The following PARL variants were observed in gnomAD, a reference collection of about 807,000 sequenced individuals.
PARL encodes presenilin-associated rhomboid-like protein, mitochondrial.
PARL carries 44 observed loss-of-function variants against 51.6 expected under a neutral mutation model. The observed-to-expected ratio is 0.85, with a 90% confidence interval of 0.67 to 1.10. PARL has a LOEUF of 1.10. Among genes scored for constraint, PARL ranks in the 50% least tolerant of loss-of-function variants. The pLI, the probability that PARL is intolerant of heterozygous loss-of-function variation, is 0.00. For synonymous variants in PARL, 172 were observed against 164.0 expected, an observed-to-expected ratio of 1.05 and a Z score of -0.37; for missense variants, 441 against 469.5, an observed-to-expected ratio of 0.94 and a Z score of 0.56.
In PARL at chr3:183,868,048, A is replaced by G. The variant is rs1732745242; in HGVS notation, c.138T>C (p.Phe46=). Residue 46 remains phenylalanine, a synonymous_variant, in exon 2 of 10, where the codon TTT becomes TTC. Transcript: ENST00000317096. ...PQLLGRRFNF[F]IQQKCGFRKA... is the part of the protein sequence containing the mutation. ...TTCTGAATCCGCATTTTTGTTGAAT[A>G]AAGAAGTTAAACCTATGGGGCAAAA... 1 of 1,613,874 alleles carries G rather than the reference A, an allele frequency of 6.2e-7. No homozygotes were observed. Among genetic ancestry groups the G allele is most frequent in the African/African-American group, 1.3e-5 (1 of 74,928 alleles).
chr3:183,833,705 A>C lies in PARL; in HGVS notation c.930+19T>G. The stretch of plus-strand genomic sequence containing the variant: ...ACATCACCACTATCCCCAGCACTGC[A>C]CTTCATAAAAATACTTACATTCCCT... On this transcript the variant is annotated intron_variant, in intron 8 of 9. Transcript: ENST00000317096. 6.5e-7 allele frequency: 1 copy of C among 1,534,984 alleles called. No individual in the cohort carries two copies. The highest frequency in any genetic ancestry group is 1.4e-5 in the African/African-American group (1 of 73,494).
At chr3:183,865,186 T>C (rs1273653773) in intron 3 of PARL, among the ~76,000 whole-genome samples, 1 of 152,102 alleles carries the variant, frequency 6.6e-6, no homozygotes, top group Non-Finnish European at 1.5e-5. Flanking sequence ...CACACGCCTG[T>C]AGTCCCAGCT....
chr3:183,882,248 TA>T (rs1560442247), intron 1 of PARL, among the ~76,000 whole-genome samples: 7 of 24,908 alleles, frequency 2.8e-4, no homozygotes, highest in East Asian at 2.7e-3. Flanking sequence ...TATATATTTA[TA>T]TATATATATA....
downstream of PARL, among the ~76,000 whole-genome samples, chr3:183,828,174 G>A (rs1727564950): frequency 6.6e-6 from 1 of 152,394 alleles, no homozygotes; most frequent in East Asian, 1.9e-4. Context: ...GGGACCAGGA[G>A]ATGCTACAGG....
At chr3:183,847,078 G>C (rs556159190) in intron 4 of PARL, among the ~76,000 whole-genome samples, 3 of 152,222 alleles carry the variant, frequency 2.0e-5, no homozygotes, top group African/African-American at 7.2e-5. Flanking sequence ...CCCCAGAAGC[G>C]GATGAGCATG....
chr3:183,831,448 G>A (rs188413426), intron 9 of PARL, among the ~76,000 whole-genome samples: 1,601 of 152,288 alleles, frequency 0.011, 19 homozygotes, highest in Non-Finnish European at 0.014. Context: ...TAGCGGCAGC[G>A]CAAGCCAGCC....
chr3:183,855,156 G>A (rs147067544), intron 4 of PARL, among the ~76,000 whole-genome samples: 4 of 152,254 alleles, frequency 2.6e-5, no homozygotes, highest in Non-Finnish European at 5.9e-5. Context: ...GAGGGAAGGA[G>A]GGAATGGGGG....
intron 4 of PARL, among the ~76,000 whole-genome samples, chr3:183,855,719 T>A (rs1731068486): frequency 6.6e-6 from 1 of 152,010 alleles, no homozygotes; most frequent in Non-Finnish European, 1.5e-5. Context: ...CAGTAACAGA[T>A]CATCAGGCAT....
At chr3:183,876,642 AAAG>A in intron 1 of PARL, among the ~76,000 whole-genome samples, 1 of 107,432 alleles carries the variant, frequency 9.3e-6, no homozygotes, top group African/African-American at 4.1e-5. Flanking sequence ...AAAAAAAGAA[AAAG>A]AAAAAGAAAG....
chr3:183,855,897 A>G (rs1260825933), intron 4 of PARL, among the ~76,000 whole-genome samples: 1 of 151,604 alleles, frequency 6.6e-6, no homozygotes, highest in Non-Finnish European at 1.5e-5. Flanking sequence ...GAGAGATTGC[A>G]GTGAGCCAAG....
chr3:183,840,533 A>G (rs774059901), intron 7 of PARL, 37 bp downstream of exon 7: 2 of 988,366 alleles, frequency 2.0e-6, no homozygotes, highest in Non-Finnish European at 3.1e-6. Flanking sequence ...TAAATTTAAA[A>G]ATTAAATTAA....
At chr3:183,847,389 C>A (rs1247330720) in intron 4 of PARL, among the ~76,000 whole-genome samples, 1 of 151,954 alleles carries the variant, frequency 6.6e-6, no homozygotes, top group Admixed American at 6.6e-5. Context: ...ATAGTGAGAC[C>A]TCCTCTTTAC....
chr3:183,854,161 G>C (rs1730869245), intron 4 of PARL, among the ~76,000 whole-genome samples: 1 of 152,164 alleles, frequency 6.6e-6, no homozygotes, highest in Non-Finnish European at 1.5e-5. Context: ...AGAATTGCCT[G>C]AACCTGGGAG....
At chr3:183,883,171 C>T (rs1026283896) in intron 1 of PARL, among the ~76,000 whole-genome samples, 33 of 152,178 alleles carry the variant, frequency 2.2e-4, no homozygotes, top group African/African-American at 8.0e-4. Flanking sequence ...ACTAGAGGCT[C>T]ATTAGTTTTC....
chr3:183,878,712 A>G (rs1017604884), intron 1 of PARL, among the ~76,000 whole-genome samples: 14 of 152,194 alleles, frequency 9.2e-5, no homozygotes, highest in Non-Finnish European at 1.3e-4. Flanking sequence ...AAATCTCATT[A>G]AAAACATTGT....
At chr3:183,852,302 G>T (rs1395648103) in intron 4 of PARL, among the ~76,000 whole-genome samples, 9 of 152,116 alleles carry the variant, frequency 5.9e-5, no homozygotes, top group Admixed American at 5.9e-4. Flanking sequence ...TAAATACATA[G>T]AATGGAATAT....
At chr3:183,877,069 C>G (rs1447259313) in intron 1 of PARL, among the ~76,000 whole-genome samples, 2 of 152,114 alleles carry the variant, frequency 1.3e-5, no homozygotes, top group Admixed American at 1.3e-4. Context: ...AAAAAATTAA[C>G]TGGGCATGGT....
At chr3:183,862,192 T>G (rs1441073582) in intron 4 of PARL, among the ~76,000 whole-genome samples, 1 of 152,246 alleles carries the variant, frequency 6.6e-6, no homozygotes, top group Non-Finnish European at 1.5e-5. Flanking sequence ...GTTATCATGG[T>G]GACATGCATG....
At position 183,866,769 on chromosome 3, in the gene PARL, T is replaced by C. The variant is rs147236837; in HGVS notation, c.322-4A>G. ...ATCCAAATGCACAGCCTGTAAACTA[T>C]ATAAAATTAGATATATTACAAAATA... On this transcript the variant is annotated splice_polypyrimidine_tract_variant and splice_region_variant and intron_variant, in intron 2 of 9. Transcript: ENST00000317096. 6 of 1,578,014 alleles carry C rather than the reference T, an allele frequency of 3.8e-6. No homozygotes were observed. The South Asian group carries it at 4.4e-5, about 12-fold the overall frequency.
Sources: allele counts gnomAD v4.1 joint callset (sites outside exome capture counted in the v4.1 genomes callset), GRCh38; gene constraint gnomAD v4.1.1; transcripts MANE v1.5; gene names NCBI Gene and HGNC (gene_info 2026-07-23, HGNC 2026-07-21).